The following ZBTB20 variants were observed in gnomAD, a reference collection of about 807,000 sequenced individuals.
ZBTB20 encodes the protein zinc finger and BTB domain containing 20.
A neutral mutation model predicts 56.9 loss-of-function variants in ZBTB20; 9 were observed. The observed-to-expected ratio is 0.16, with a 90% CI of 0.10 to 0.28. The LOEUF (loss-of-function observed/expected upper bound fraction) is 0.28. Among genes scored for constraint, ZBTB20 ranks in the 10% least tolerant of loss-of-function variants. The probability of loss-of-function intolerance (pLI) is 1.00; values close to 1 mark genes in which losing one functional copy is unlikely to be tolerated. For synonymous variants in ZBTB20, 417 were observed against 420.7 expected (o/e 0.99, Z 0.11); for missense variants, 655 against 1,003.0 (o/e 0.65, Z 4.69).
chr3:114,528,464 A>T (rs1322061569), intron 6 of ZBTB20, among the ~76,000 whole-genome samples: 1 of 152,200 alleles, frequency 6.6e-6, no homozygotes, highest in Non-Finnish European at 1.5e-5. Flanking sequence ...CCTAAAGAAG[A>T]AATATGGGCT....
At chr3:114,637,195 C>CA (rs1259469007) in intron 6 of ZBTB20, among the ~76,000 whole-genome samples, 7 of 151,968 alleles carry the variant, frequency 4.6e-5, no homozygotes, top group African/African-American at 1.7e-4. Flanking sequence ...TGGAGTAGAA[C>CA]AAAAACTGAA....
intron 10 of ZBTB20, among the ~76,000 whole-genome samples, chr3:114,361,172 G>A (rs886235065): frequency 6.6e-6 from 1 of 152,090 alleles, no homozygotes; most frequent in African/African-American, 2.4e-5. Context: ...GGTTGGATTT[G>A]ATTTTCTCTA....
Position 114,570,953 on chromosome 3 carries a change from G to A in ZBTB20, c.-294-70562C>T, listed in dbSNP as rs559546421. Among the ~76,000 whole-genome samples the A allele has an allele frequency of 1.2e-4, 18 of 152,184 alleles. No homozygotes were observed. The East Asian group carries it at 1.9e-3, about 16-fold the overall frequency. On this transcript the variant is annotated intron_variant, in intron 6 of 11. Transcript: ENST00000675478. ...ATATTTGTAAGGTATGATTTATGTT[G>A]TTCTACTGCATATTACTCTGTGCTG...
At chr3:114,353,997 C>T (rs369492870) in intron 10 of ZBTB20, among the ~76,000 whole-genome samples, 15 of 152,106 alleles carry the variant, frequency 9.9e-5, no homozygotes, top group African/African-American at 3.6e-4. Flanking sequence ...GAGGTCTGGC[C>T]CTTAGGGATC....
chr3:114,715,182 T>C (rs942118787), intron 5 of ZBTB20, among the ~76,000 whole-genome samples: 2 of 152,230 alleles, frequency 1.3e-5, no homozygotes, highest in African/African-American at 2.4e-5. Flanking sequence ...TCACAACATA[T>C]AGCAATTACT....
intron 1 of ZBTB20, among the ~76,000 whole-genome samples, chr3:115,077,158 T>C (rs1468928359): frequency 6.6e-6 from 1 of 151,614 alleles, no homozygotes; most frequent in Non-Finnish European, 1.5e-5. Flanking sequence ...ATATCCAAAA[T>C]ACATGAAGAA....
intron 1 of ZBTB20, among the ~76,000 whole-genome samples, chr3:115,107,534 C>T (rs548247517): frequency 1.4e-3 from 220 of 152,142 alleles, no homozygotes; most frequent in African/African-American, 5.1e-3. Flanking sequence ...GAAATATGAA[C>T]GCTTTTACAC....
At chr3:115,101,998 T>C (rs1373401913) in intron 1 of ZBTB20, among the ~76,000 whole-genome samples, 3 of 152,218 alleles carry the variant, frequency 2.0e-5, no homozygotes, top group Non-Finnish European at 4.4e-5. Context: ...CAAATAAATT[T>C]TGGGTCATGT....
intron 6 of ZBTB20, among the ~76,000 whole-genome samples, chr3:114,516,064 C>A (rs1288110707): frequency 6.7e-6 from 1 of 150,362 alleles, no homozygotes; most frequent in East Asian, 1.9e-4. Flanking sequence ...CTTCCAAAAT[C>A]CATTCTTCAA....
chr3:114,942,871 A>C (rs1188088516), intron 3 of ZBTB20, among the ~76,000 whole-genome samples: 10 of 145,334 alleles, frequency 6.9e-5, no homozygotes, highest in Admixed American at 6.6e-4. Flanking sequence ...GGCACAAATA[A>C]CACTTTGGAG....
intron 2 of ZBTB20, among the ~76,000 whole-genome samples, chr3:114,997,646 T>C (rs1206956895): frequency 2.0e-5 from 3 of 151,598 alleles, no homozygotes; most frequent in East Asian, 3.9e-4. Flanking sequence ...CATGAAGACA[T>C]AGAAAAGATA....
intron 4 of ZBTB20, among the ~76,000 whole-genome samples, chr3:114,808,729 G>C (rs1047420112): frequency 1.3e-5 from 2 of 151,814 alleles, no homozygotes; most frequent in Non-Finnish European, 2.9e-5. Context: ...ACAGAATTTA[G>C]TTTTATGTTT....
intron 6 of ZBTB20, among the ~76,000 whole-genome samples, chr3:114,622,201 T>G (rs2058368351): frequency 6.6e-6 from 1 of 152,110 alleles, no homozygotes; most frequent in African/African-American, 2.4e-5. Context: ...GCAGTTTGAA[T>G]ATTAACTGAG....
At position 114,318,109 on chromosome 3, in the gene ZBTB20, TCA is replaced by T. The variant is rs1351208218; in HGVS notation, c.*20894_*20895del. On this transcript the variant is annotated 3_prime_UTR_variant, in exon 12 of 12. Coordinates refer to ENST00000675478, the MANE Select transcript of ZBTB20 (RefSeq NM_001348800.3). ...CCAGCCAAATGATTTTTTAAAAAAA[TCA>T]CAGTTTTTAAAAATTATTTTTTCAA... 1 of 152,192 alleles carries T rather than the reference TCA, an allele frequency of 6.6e-6. No homozygotes were observed. The highest frequency in any genetic ancestry group is 1.5e-5 in the Non-Finnish European group (1 of 68,032). The allele number at this position is 152,192 out of a possible 1,614,324, so 9.4% of individuals were successfully genotyped here.
chr3:114,451,258 G>A (rs2091589957), intron 7 of ZBTB20, among the ~76,000 whole-genome samples: 1 of 151,438 alleles, frequency 6.6e-6, no homozygotes, highest in Admixed American at 6.6e-5. Context: ...GTGAAACTAG[G>A]AGTGCAAATT....
chr3:114,569,402 C>A (rs1355954701), intron 6 of ZBTB20, among the ~76,000 whole-genome samples: 1 of 152,204 alleles, frequency 6.6e-6, no homozygotes, highest in Non-Finnish European at 1.5e-5. Context: ...TTAGGACCAA[C>A]AAACTTTGCC....
At chr3:114,367,488 G>A (rs1163890722) in intron 10 of ZBTB20, among the ~76,000 whole-genome samples, 1 of 152,080 alleles carries the variant, frequency 6.6e-6, no homozygotes, top group Non-Finnish European at 1.5e-5. Flanking sequence ...CAAACTCCTG[G>A]GCTCAAGTGA....
intron 5 of ZBTB20, among the ~76,000 whole-genome samples, chr3:114,722,941 T>G (rs369029273): frequency 8.5e-5 from 13 of 152,350 alleles, no homozygotes; most frequent in African/African-American, 2.2e-4. Flanking sequence ...TTTCACTCAG[T>G]AATTAAACTG....
chr3:114,999,518 C>T (rs899688240), intron 2 of ZBTB20, among the ~76,000 whole-genome samples: 1 of 151,316 alleles, frequency 6.6e-6, no homozygotes, highest in Non-Finnish European at 1.5e-5. Context: ...CTGTTTTTCC[C>T]TCGAAAAGTT....
Sources: allele counts gnomAD v4.1 joint callset (sites outside exome capture counted in the v4.1 genomes callset), GRCh38; gene constraint gnomAD v4.1.1; transcripts MANE v1.5; gene names NCBI Gene and HGNC (gene_info 2026-07-23, HGNC 2026-07-21).